Variants in RREB1 observed in about 807,000 individuals in gnomAD.
The protein encoded by RREB1 is ras responsive element binding protein 1, also known as ras-responsive element-binding protein 1.
Under a neutral mutation model 117.8 loss-of-function variants are expected in RREB1, and 27 were observed. That is an observed-to-expected ratio of 0.23 (90% CI 0.17 to 0.32). RREB1 has a LOEUF of 0.32. Ranked by LOEUF, RREB1 falls within the 10% of genes least tolerant of loss-of-function variation. The pLI is 1.00. For synonymous variants in RREB1, 1,298 were observed against 1,026.7 expected, an observed-to-expected ratio of 1.26 and a Z score of -5.05; for missense variants, 2,577 against 2,378.2, an observed-to-expected ratio of 1.08 and a Z score of -1.74.
chr6:7,189,233 C>T lies in RREB1; in HGVS notation c.336C>T (p.Leu112=), dbSNP rs771784931. Residue 112 remains leucine, a synonymous_variant, in exon 6 of 13, where the codon CTC becomes CTT. Coordinates refer to ENST00000379938, the MANE Select transcript of RREB1 (RefSeq NM_001003699.4). ...CGKSLSSASS[L]DRHMLVHSGE... ...AGTCACTGAGCTCGGCCAGCTCCCT[C>T]GATCGCCACATGCTGGTGCACTCTG... 9.3e-6 allele frequency: 15 copies of T among 1,612,592 alleles called. No homozygotes were observed. The highest frequency in any genetic ancestry group is 1.6e-4 in the Middle Eastern group (1 of 6,082).
intron 1 of RREB1, among the ~76,000 whole-genome samples, chr6:7,124,060 T>C (rs1291728971): frequency 1.3e-5 from 2 of 151,890 alleles, no homozygotes; most frequent in Non-Finnish European, 2.9e-5. Flanking sequence ...AGAAAGAGAG[T>C]GTATGCATGT....
At chr6:7,219,902 A>G (rs2113053898) in intron 8 of RREB1, among the ~76,000 whole-genome samples, 1 of 152,234 alleles carries the variant, frequency 6.6e-6, no homozygotes, top group African/African-American at 2.4e-5. Context: ...CACCCTACCC[A>G]GTGCCGCCAG....
intron 6 of RREB1, among the ~76,000 whole-genome samples, chr6:7,202,489 C>G (rs1766041824): frequency 6.6e-6 from 1 of 152,086 alleles, no homozygotes; most frequent in Non-Finnish European, 1.5e-5. Context: ...TAGTCGTTGC[C>G]CTGGGAAGCT....
intron 1 of RREB1, among the ~76,000 whole-genome samples, chr6:7,141,171 G>T (rs1024046665): frequency 3.3e-5 from 5 of 152,244 alleles, no homozygotes; most frequent in Admixed American, 2.0e-4. Context: ...GGTGTCCGGT[G>T]AGCGGGTAGC....
At chr6:7,203,270 A>G (rs1356515377) in intron 6 of RREB1, among the ~76,000 whole-genome samples, 1 of 152,180 alleles carries the variant, frequency 6.6e-6, no homozygotes, top group Non-Finnish European at 1.5e-5. Flanking sequence ...GTCATCCCTC[A>G]ACCCTTGGCC....
intron 11 of RREB1, among the ~76,000 whole-genome samples, chr6:7,243,542 A>G (rs971625703): frequency 2.6e-5 from 4 of 152,240 alleles, no homozygotes; most frequent in African/African-American, 9.6e-5. Flanking sequence ...ACCTGGCCTT[A>G]TAAGTTGAGT....
At chr6:7,114,231 C>A (rs1761278117) in intron 1 of RREB1, among the ~76,000 whole-genome samples, 1 of 152,180 alleles carries the variant, frequency 6.6e-6, no homozygotes, top group African/African-American at 2.4e-5. Context: ...AAGCGATTCT[C>A]CTGCCTCAGT....
chr6:7,198,053 GA>G (rs1396767103), intron 6 of RREB1, among the ~76,000 whole-genome samples: 1 of 152,150 alleles, frequency 6.6e-6, no homozygotes, highest in Admixed American at 6.5e-5. Flanking sequence ...GAAAGCAGGG[GA>G]CAGTCACTTC....
intron 1 of RREB1, among the ~76,000 whole-genome samples, chr6:7,164,649 A>C (rs533940439): frequency 1.3e-5 from 2 of 152,226 alleles, no homozygotes; most frequent in African/African-American, 4.8e-5. Context: ...TTTTGCTGCT[A>C]TACTGAGTCC....
intron 1 of RREB1, among the ~76,000 whole-genome samples, chr6:7,137,212 G>A (rs528816938): frequency 1.3e-5 from 2 of 152,330 alleles, no homozygotes; most frequent in African/African-American, 2.4e-5. Flanking sequence ...GGCGGCAGGA[G>A]CAGGCAAGGG....
Position 7,229,589 on chromosome 6 carries a change from T to A in RREB1, c.1490T>A (p.Leu497Gln). Residue 497 changes from leucine to glutamine, a missense_variant, in exon 10 of 13, where the codon CTG becomes CAG. By Grantham distance (113) the Leu-to-Gln change is moderately radical (BLOSUM62 -2). Coordinates refer to ENST00000379938, the MANE Select transcript of RREB1 (RefSeq NM_001003699.4). The surrounding 1 kb of genome is among the most constrained non-coding windows in gnomAD (Gnocchi z 4.5). ...TTCTCCAAGGCCCCTGCCGCCCCAC[T>A]GCAGGCGATCTTCAAGCACATGCCC... ...PPFSKAPAAP[L>Q]QAIFKHMPPL... is the part of the protein sequence containing the mutation. 1.9e-6 allele frequency: 3 copies of A among 1,611,960 alleles called. No individual in the cohort carries two copies. The highest frequency in any genetic ancestry group is 2.5e-6 in the Non-Finnish European group (3 of 1,178,624).
At chr6:7,141,212 T>C (rs915453034) in intron 1 of RREB1, among the ~76,000 whole-genome samples, 2 of 151,804 alleles carry the variant, frequency 1.3e-5, no homozygotes, top group Non-Finnish European at 2.9e-5. Context: ...CGGGCGCCGA[T>C]TGGCTGGCGG....
rs1454341161 is a variant in RREB1, at chr6:7,247,032, G to A, written c.4582G>A (p.Gly1528Ser). Residue 1528 changes from glycine (G) to serine (S), a missense_variant, in exon 12 of 13, where the codon GGC becomes AGC. Coordinates refer to ENST00000379938, the MANE Select transcript of RREB1 (RefSeq NM_001003699.4). ...PAEKLAEETEGPSDGESAAEK... is the reference protein window; with the variant it reads ...PAEKLAEETESPSDGESAAEK... Reference sequence around the variant, plus strand: ...GGAAAAGCTCGCGGAGGAGACGGAGGGCCCCTCCGACGGGGAGAGCGCGGC... The same window carrying A: ...GGAAAAGCTCGCGGAGGAGACGGAGAGCCCCTCCGACGGGGAGAGCGCGGC... 1 of 1,612,104 alleles carries A rather than the reference G, an allele frequency of 6.2e-7. No individual in the cohort carries two copies. The highest frequency in any genetic ancestry group is 8.5e-7 in the Non-Finnish European group (1 of 1,179,102).
chr6:7,128,077 T>G (rs2113342594), intron 1 of RREB1, among the ~76,000 whole-genome samples: 1 of 152,172 alleles, frequency 6.6e-6, no homozygotes, highest in South Asian at 2.1e-4. Context: ...TACGAATTTT[T>G]TATAGCCTGA....
chr6:7,116,747 T>TA, intron 1 of RREB1, among the ~76,000 whole-genome samples: 1 of 152,316 alleles, frequency 6.6e-6, no homozygotes, highest in African/African-American at 2.4e-5. Flanking sequence ...AATTTTGAAT[T>TA]ACAGAAATTC....
chr6:7,124,512 A>G (rs1207031760), intron 1 of RREB1, among the ~76,000 whole-genome samples: 1 of 152,120 alleles, frequency 6.6e-6, no homozygotes, highest in Non-Finnish European at 1.5e-5. Context: ...ATCCAGTCCT[A>G]AACACCAGAA....
chr6:7,157,867 C>G (rs184572207), intron 1 of RREB1, among the ~76,000 whole-genome samples: 4 of 152,156 alleles, frequency 2.6e-5, no homozygotes, highest in Non-Finnish European at 5.9e-5. Flanking sequence ...CTCTACCACT[C>G]GCTGCTAATG....
At chr6:7,174,840 C>G (rs1764420666) in intron 1 of RREB1, among the ~76,000 whole-genome samples, 1 of 152,172 alleles carries the variant, frequency 6.6e-6, no homozygotes. Context: ...AACTCCTGAC[C>G]TCAGGTGATC....
intron 10 of RREB1, among the ~76,000 whole-genome samples, chr6:7,236,384 G>A (rs1452964615): frequency 6.6e-6 from 1 of 152,100 alleles, no homozygotes; most frequent in Non-Finnish European, 1.5e-5. Flanking sequence ...TTTCCTCCCT[G>A]CTTCTATCTG....
Sources: allele counts gnomAD v4.1 joint callset (sites outside exome capture counted in the v4.1 genomes callset), GRCh38; gene constraint gnomAD v4.1.1; non-coding constraint Gnocchi (gnomAD v3.1); transcripts MANE v1.5; gene names NCBI Gene and HGNC (gene_info 2026-07-23, HGNC 2026-07-21).